Variants in KCNU1 observed in about 807,000 individuals in gnomAD.
The protein encoded by KCNU1 is potassium channel subfamily U member 1.
In KCNU1, 93 loss-of-function variants were observed where a neutral mutation model predicts 126.8. The ratio of observed to expected loss-of-function variants is 0.73; its 90% CI spans 0.62 to 0.87. The LOEUF is 0.87. Among genes scored for constraint, KCNU1 ranks in the 40% least tolerant of loss-of-function variants. The pLI is 0.00. For missense variants in KCNU1, 1,330 were observed against 1,367.1 expected (o/e 0.97, Z 0.43); for synonymous variants, 523 against 494.2 (o/e 1.06, Z -0.77).
intron 19 of KCNU1, among the ~76,000 whole-genome samples, chr8:36,893,332 T>C (rs150035165): frequency 6.6e-6 from 1 of 151,770 alleles, no homozygotes; most frequent in Non-Finnish European, 1.5e-5. Flanking sequence ...TGGGTCTTTT[T>C]TTTTTTTGCG....
At position 36,815,617 on chromosome 8, in the gene KCNU1, C is replaced by A; in HGVS notation, c.925C>A (p.Pro309Thr). The A allele has an allele frequency of 1.3e-6, 2 of 1,586,802 alleles. No homozygotes were observed. The highest frequency in any genetic ancestry group is 2.3e-5 in the South Asian group (2 of 87,634). Residue 309 changes from proline (P) to threonine (T), a missense_variant, in exon 9 of 27, where the codon CCT becomes ACT. Physicochemically the swap from Pro to Thr is conservative, Grantham distance 38. Transcript: ENST00000399881. ...TTAGATATTATTTGCGAACTATATACCTGAAATGGTGGAACTGTTTGCTAA... is the reference window on the plus strand; with the variant it reads ...TTAGATATTATTTGCGAACTATATAACTGAAATGGTGGAACTGTTTGCTAA... ...GSLILFANYI[P>T]EMVELFANKR...
At chr8:36,797,852 G>A (rs1033938339) in intron 2 of KCNU1, among the ~76,000 whole-genome samples, 1 of 152,114 alleles carries the variant, frequency 6.6e-6, no homozygotes, top group Admixed American at 6.5e-5. Flanking sequence ...CACATGCCAG[G>A]TACTAAGCTA....
intron 24 of KCNU1, among the ~76,000 whole-genome samples, chr8:36,929,387 CAAAAA>C (rs35835813): frequency 1.1e-4 from 11 of 99,302 alleles, no homozygotes; most frequent in Middle Eastern, 4.7e-3. Context: ...GACCCTGTCT[CAAAAA>C]AAAAAAAAAA....
At chr8:36,851,696 CTAAG>C (rs763676523) in intron 18 of KCNU1, among the ~76,000 whole-genome samples, 8 of 152,014 alleles carry the variant, frequency 5.3e-5, no homozygotes, top group African/African-American at 7.2e-5. Context: ...AATTTGATTA[CTAAG>C]TATTTTATTT....
intron 2 of KCNU1, among the ~76,000 whole-genome samples, chr8:36,801,417 T>G (rs1803299422): frequency 6.8e-6 from 1 of 146,542 alleles, no homozygotes; most frequent in Admixed American, 6.9e-5. Flanking sequence ...TGGTATTCAA[T>G]TCTTTGTTTC....
chr8:36,928,716 C>T (rs10089598), intron 24 of KCNU1, among the ~76,000 whole-genome samples: 150,643 of 152,306 alleles, frequency 0.99, 74,499 homozygotes, highest in East Asian at 1. Flanking sequence ...TTCTTACAGC[C>T]TTCAAACACC....
intron 9 of KCNU1, among the ~76,000 whole-genome samples, chr8:36,816,360 A>T (rs1803911896): frequency 6.6e-6 from 1 of 152,168 alleles, no homozygotes; most frequent in Middle Eastern, 3.2e-3. Context: ...AAAGAATGAA[A>T]TGGAGATCTT....
chr8:36,924,886 C>T (rs1221768549), intron 24 of KCNU1, among the ~76,000 whole-genome samples: 1 of 152,174 alleles, frequency 6.6e-6, no homozygotes, highest in African/African-American at 2.4e-5. Flanking sequence ...CTGGCTCACA[C>T]AGGCAGGAAT....
At chr8:36,907,533 A>T (rs1807679347) in intron 20 of KCNU1, among the ~76,000 whole-genome samples, 1 of 152,212 alleles carries the variant, frequency 6.6e-6, no homozygotes, top group Non-Finnish European at 1.5e-5. Flanking sequence ...GTTAAGATTC[A>T]TATCACTCTA....
chr8:36,837,386 G>C (rs1404319729), intron 14 of KCNU1, among the ~76,000 whole-genome samples: 1 of 152,066 alleles, frequency 6.6e-6, no homozygotes. Flanking sequence ...GATACAAATA[G>C]TAATTAAAAT....
intron 18 of KCNU1, among the ~76,000 whole-genome samples, chr8:36,849,378 C>G (rs1805263912): frequency 1.3e-5 from 2 of 152,130 alleles, no homozygotes; most frequent in African/African-American, 4.8e-5. Context: ...CACTTGAGGT[C>G]AGGAGTTTGA....
At chr8:36,931,440 C>G (rs978654465) in intron 25 of KCNU1, among the ~76,000 whole-genome samples, 2 of 152,068 alleles carry the variant, frequency 1.3e-5, no homozygotes, top group Non-Finnish European at 2.9e-5. Flanking sequence ...AGAGGCCTGG[C>G]AACTTTGTAC....
chr8:36,788,885 T>TA (rs1480397694), intron 2 of KCNU1, among the ~76,000 whole-genome samples: 5 of 152,162 alleles, frequency 3.3e-5, no homozygotes, highest in African/African-American at 1.2e-4. Flanking sequence ...GAAGGGAACT[T>TA]ACAACATCCA....
intron 18 of KCNU1, among the ~76,000 whole-genome samples, chr8:36,849,112 C>T (rs147788911): frequency 4.7e-4 from 71 of 152,246 alleles, no homozygotes; most frequent in Non-Finnish European, 6.9e-4. Flanking sequence ...ATAGAAGTCA[C>T]TCTTCCTTCT....
At chr8:36,868,432 C>T (rs1461509937) in intron 19 of KCNU1, among the ~76,000 whole-genome samples, 1 of 151,766 alleles carries the variant, frequency 6.6e-6, no homozygotes, top group East Asian at 1.9e-4. Context: ...TTTTTTATGC[C>T]TTAATAGTCT....
chr8:36,851,313 C>T (rs1288822563), intron 18 of KCNU1, among the ~76,000 whole-genome samples: 1 of 151,964 alleles, frequency 6.6e-6, no homozygotes, highest in African/African-American at 2.4e-5. Flanking sequence ...GTTTCCCCCA[C>T]GTTGCTCTTG....
chr8:36,819,906 A>T (rs1237422560), intron 10 of KCNU1, among the ~76,000 whole-genome samples: 1 of 152,106 alleles, frequency 6.6e-6, no homozygotes, highest in Non-Finnish European at 1.5e-5. Context: ...GCTTAATTTG[A>T]TAAATAGAAC....
At chr8:36,879,238 T>TATATATATATACAC (rs1216880068) in intron 19 of KCNU1, among the ~76,000 whole-genome samples, 1 of 139,338 alleles carries the variant, frequency 7.2e-6, no homozygotes, top group Non-Finnish European at 1.5e-5. Context: ...TATATATATA[T>TATATATATATACAC]ACACACACAT....
chr8:36,864,431 G>A lies in KCNU1; in HGVS notation c.1919G>A (p.Cys640Tyr), dbSNP rs1331079219. Residue 640 changes from cysteine to tyrosine, a missense_variant, in exon 19 of 27, where the codon TGT (cysteine) becomes TAT (tyrosine). By Grantham distance (194) the Cys-to-Tyr change is radical. Around this residue, in one of 3 missense-constraint regions of KCNU1, gnomAD observed 1,054 missense variants for 1,053.9 expected, o/e 1.00. Transcript: ENST00000399881. ...TVPSVKRMKK[C>Y]LKGISSRISG... ...CCATCGGTAAAGAGAATGAAAAAAT[G>A]TCTGAAGGGAATCTCCTCTCGTATA... The A allele has an allele frequency of 1.2e-6, 2 of 1,611,166 alleles. No homozygotes were observed. The highest frequency in any genetic ancestry group is 2.2e-5 in the South Asian group (2 of 91,000).
Sources: allele counts gnomAD v4.1 joint callset (sites outside exome capture counted in the v4.1 genomes callset), GRCh38; gene constraint gnomAD v4.1.1; regional missense constraint gnomAD v4.1.1; transcripts MANE v1.5; gene names NCBI Gene and HGNC (gene_info 2026-07-23, HGNC 2026-07-21).